TMPRSS12: variants seen among roughly 807,000 people sequenced by gnomAD.
The protein encoded by TMPRSS12 is transmembrane protease serine 12.
A neutral mutation model predicts 26.0 loss-of-function variants in TMPRSS12; 25 were observed. That is an observed-to-expected ratio of 0.96 (90% CI 0.70 to 1.34). The LOEUF (loss-of-function observed/expected upper bound fraction) is 1.34. Ranked by LOEUF, TMPRSS12 falls within the 40% of genes most tolerant of loss-of-function variation. TMPRSS12 has a pLI of 0.00. For missense variants in TMPRSS12, 441 were observed against 440.1 expected (o/e 1.00, Z -0.02); for synonymous variants, 150 against 161.7 (o/e 0.93, Z 0.55).
At chr12:50,847,304 G>A (rs1313831150) in intron 2 of TMPRSS12, among the ~76,000 whole-genome samples, 8 of 151,594 alleles carry the variant, frequency 5.3e-5, no homozygotes, top group South Asian at 2.1e-4. Flanking sequence ...TGATCCGCCC[G>A]TCTCGGCCTC....
At chr12:50,877,023 G>A (rs1450309352) in intron 3 of TMPRSS12, among the ~76,000 whole-genome samples, 5 of 152,168 alleles carry the variant, frequency 3.3e-5, no homozygotes, top group Non-Finnish European at 7.4e-5. Flanking sequence ...TGGACATAAA[G>A]GTGGTCACAA....
intron 3 of TMPRSS12, among the ~76,000 whole-genome samples, chr12:50,870,229 A>C (rs1477381340): frequency 2.6e-5 from 4 of 152,106 alleles, no homozygotes; most frequent in African/African-American, 4.8e-5. Flanking sequence ...AAACAAAACA[A>C]AACAAAAACC....
intron 3 of TMPRSS12, among the ~76,000 whole-genome samples, chr12:50,860,425 T>G (rs1023515397): frequency 6.6e-6 from 1 of 152,162 alleles, no homozygotes; most frequent in Non-Finnish European, 1.5e-5. Flanking sequence ...TAAAACACTT[T>G]TTTTTTAGAG....
At chr12:50,857,673 A>C (rs192673019) in intron 2 of TMPRSS12, among the ~76,000 whole-genome samples, 1 of 152,222 alleles carries the variant, frequency 6.6e-6, no homozygotes, top group Non-Finnish European at 1.5e-5. Flanking sequence ...TGCTTGCTTT[A>C]AGATGGCCAA....
chr12:50,884,643 G>T (rs1270049405), intron 3 of TMPRSS12, among the ~76,000 whole-genome samples: 2 of 152,092 alleles, frequency 1.3e-5, no homozygotes, highest in Non-Finnish European at 2.9e-5. Context: ...AGGCCGAGAT[G>T]AGTGGATCAC....
chr12:50,886,838 C>T (rs1012682556), intron 4 of TMPRSS12: 5 of 156,866 alleles, frequency 3.2e-5, no homozygotes, highest in East Asian at 1.9e-4. Context: ...AAACCACACA[C>T]GTGCCTAAAA....
chr12:50,885,700 T>C, intron 4 of TMPRSS12: 2 of 570,560 alleles, frequency 3.5e-6, no homozygotes, highest in Non-Finnish European at 3.1e-6. Context: ...TTGTCACCCA[T>C]GCTGGAGTGC....
intron 3 of TMPRSS12, among the ~76,000 whole-genome samples, chr12:50,864,443 G>T (rs2139727978): frequency 6.6e-6 from 1 of 152,102 alleles, no homozygotes; most frequent in African/African-American, 2.4e-5. Flanking sequence ...AAGCACTTAA[G>T]ATCCCACAGA....
intron 3 of TMPRSS12, among the ~76,000 whole-genome samples, chr12:50,879,249 A>G (rs765974822): frequency 4.6e-5 from 7 of 152,228 alleles, no homozygotes; most frequent in Non-Finnish European, 8.8e-5. Context: ...TCATTGGATT[A>G]GGCGATGATT....
chr12:50,865,547 G>A (rs1301305396), intron 3 of TMPRSS12, among the ~76,000 whole-genome samples: 14 of 152,054 alleles, frequency 9.2e-5, no homozygotes, highest in Admixed American at 9.2e-4. Flanking sequence ...GAATAAAGAG[G>A]ATAGAGGAGA....
In TMPRSS12 at chr12:50,887,381, G is replaced by A. The variant is rs750099643; in HGVS notation, c.915G>A (p.Gly305=). ...GAGGTTTTCCTGGTGTCTATATTGG[G>A]CCATCCTTCTACCAAAAGTGGCTGA... The part of the protein sequence containing the change: ...GRRGFPGVYI[G]PSFYQKWLTE... The change falls in exon 5 of 5, where the codon GGG becomes GGA. Residue 305 remains glycine, a synonymous_variant. Transcript: ENST00000398458. 2 of 1,613,718 alleles carry A rather than the reference G, an allele frequency of 1.2e-6. No homozygotes were observed. Among genetic ancestry groups the A allele is most frequent in the African/African-American group, 1.3e-5 (1 of 74,854 alleles).
In TMPRSS12 at chr12:50,843,910, G is replaced by A; in HGVS notation, c.256G>A (p.Ala86Thr). 1 of 1,581,212 alleles carries A rather than the reference G, an allele frequency of 6.3e-7. No individual in the cohort carries two copies. The highest frequency in any genetic ancestry group is 2.3e-5 in the East Asian group (1 of 43,584). Residue 86 changes from alanine (A) to threonine (T), a missense_variant, in exon 2 of 5, where the codon GCT (alanine) becomes ACT (threonine). By Grantham distance (58) the Ala-to-Thr change is moderately conservative. Transcript: ENST00000398458. ...SRIIGGTEAQ[A>T]GAWPWVVSLQ... ...GATTATAGGGGGCACCGAAGCACAA[G>A]CTGGCGCATGGCCGTGGGTGGTGAG...
At chr12:50,870,243 A>T (rs1229646166) in intron 3 of TMPRSS12, among the ~76,000 whole-genome samples, 1 of 152,118 alleles carries the variant, frequency 6.6e-6, no homozygotes, top group Non-Finnish European at 1.5e-5. Context: ...AAAAACCATG[A>T]TAATCCACCA....
chr12:50,876,492 A>G (rs908630056), intron 3 of TMPRSS12, among the ~76,000 whole-genome samples: 3 of 152,156 alleles, frequency 2.0e-5, no homozygotes, highest in Non-Finnish European at 4.4e-5. Context: ...CATGGAATCA[A>G]CCAAGGTGCC....
intron 3 of TMPRSS12, among the ~76,000 whole-genome samples, chr12:50,867,890 G>C (rs1368697785): frequency 6.6e-6 from 1 of 152,136 alleles, no homozygotes; most frequent in South Asian, 2.1e-4. Context: ...CACGTGTAAA[G>C]GAGAGATAGA....
chr12:50,843,190 T>TA (rs1461032918), intron 1 of TMPRSS12, 39 bp downstream of exon 1: 1 of 1,503,516 alleles, frequency 6.7e-7, no homozygotes, highest in South Asian at 1.3e-5. Context: ...GAGCCTCTCT[T>TA]ACCTTTTCCC....
intron 3 of TMPRSS12, among the ~76,000 whole-genome samples, chr12:50,871,609 G>C (rs754553998): frequency 3.9e-5 from 6 of 152,106 alleles, no homozygotes; most frequent in Non-Finnish European, 7.4e-5. Context: ...CTTAATTAAA[G>C]AGATTTTGCA....
chr12:50,876,831 TAAAG>T (rs373217528), intron 3 of TMPRSS12, among the ~76,000 whole-genome samples: 27 of 125,624 alleles, frequency 2.1e-4, no homozygotes, highest in African/African-American at 6.8e-4. Flanking sequence ...AAAGACTGGA[TAAAG>T]AAAGTGTGGT....
Position 50,886,884 on chromosome 12 carries a change from A to T in TMPRSS12, c.796-378A>T, listed in dbSNP as rs1033041930. 6.3e-5 allele frequency: 11 copies of T among 174,356 alleles called. No homozygotes were observed. The Admixed American group carries it at 6.6e-4, about 10-fold the overall frequency. The allele number at this position is 174,356 out of a possible 1,614,324, so 10.8% of individuals were successfully genotyped here. On this transcript the variant is annotated intron_variant, in intron 4 of 4. Coordinates refer to ENST00000398458, the MANE Select transcript of TMPRSS12 (RefSeq NM_182559.3). ...TACATCTTAAAGTTATCCTTTCCAC[A>T]CGCAGTATTCAGCAAGAGAATATTC... is the stretch of plus-strand genomic sequence containing the variant.
Sources: gnomAD v4.1 joint callset for allele counts (sites outside exome capture counted in the v4.1 genomes callset) on GRCh38, gnomAD v4.1.1 for gene constraint, MANE v1.5 for transcripts, NCBI Gene and HGNC (gene_info 2026-07-23, HGNC 2026-07-21) for gene names.